The following CCDC60 variants were observed in gnomAD, a reference collection of about 807,000 sequenced individuals.
The protein encoded by CCDC60 is coiled-coil domain-containing protein 60.
In CCDC60, 54 loss-of-function variants were observed where a neutral mutation model predicts 63.5. The observed-to-expected ratio is 0.85, with a 90% confidence interval of 0.68 to 1.07. The LOEUF (loss-of-function observed/expected upper bound fraction) is 1.07, where lower values mean the gene tolerates loss of function less well. Among genes scored for constraint, CCDC60 ranks in the 50% least tolerant of loss-of-function variants. The pLI is 0.00. For missense variants in CCDC60, 651 were observed against 684.3 expected, an observed-to-expected ratio of 0.95 and a Z score of 0.54; for synonymous variants, 206 against 238.8, an observed-to-expected ratio of 0.86 and a Z score of 1.27.
intron 2 of CCDC60, among the ~76,000 whole-genome samples, chr12:119,467,454 C>G (rs138725397): frequency 3.3e-5 from 5 of 152,152 alleles, no homozygotes; most frequent in Admixed American, 3.3e-4. Context: ...TTTGTGAATG[C>G]GATTAGTGCC....
intron 1 of CCDC60, among the ~76,000 whole-genome samples, chr12:119,403,157 A>G (rs951281978): frequency 2.0e-5 from 3 of 152,202 alleles, no homozygotes; most frequent in African/African-American, 7.2e-5. Flanking sequence ...CAGCAGAAAG[A>G]GATCTTCTCT....
chr12:119,401,196 C>T (rs771897698), intron 1 of CCDC60, among the ~76,000 whole-genome samples: 1 of 152,200 alleles, frequency 6.6e-6, no homozygotes, highest in Non-Finnish European at 1.5e-5. Context: ...CGTGTGATGT[C>T]AAGTGTCCTT....
chr12:119,425,153 G>T (rs965580477), intron 1 of CCDC60, among the ~76,000 whole-genome samples: 14 of 152,142 alleles, frequency 9.2e-5, no homozygotes, highest in African/African-American at 3.4e-4. Context: ...CAAATTATCT[G>T]GCAGGAAAAT....
chr12:119,457,484 G>A (rs1463915442), intron 2 of CCDC60, among the ~76,000 whole-genome samples: 1 of 152,240 alleles, frequency 6.6e-6, no homozygotes, highest in Non-Finnish European at 1.5e-5. Flanking sequence ...GCAAGGAGAT[G>A]TTTGGATGTG....
chr12:119,455,995 GAGAAAGAGAAAGAA>G (rs1179977052), intron 2 of CCDC60, among the ~76,000 whole-genome samples: 1 of 79,502 alleles, frequency 1.3e-5, no homozygotes, highest in African/African-American at 5.9e-5. Context: ...GAAAGAGAGA[GAGAAAGAGAAAGAA>G]AGAAAGAAAG....
At chr12:119,531,505 G>T (rs952211210) in intron 13 of CCDC60, among the ~76,000 whole-genome samples, 2 of 152,144 alleles carry the variant, frequency 1.3e-5, no homozygotes, top group African/African-American at 2.4e-5. Context: ...TAAGTTAGAA[G>T]GGATCTACCT....
At chr12:119,343,604 T>G (rs1955554569) in intron 1 of CCDC60, among the ~76,000 whole-genome samples, 1 of 151,464 alleles carries the variant, frequency 6.6e-6, no homozygotes, top group African/African-American at 2.4e-5. Flanking sequence ...GGAAAGAACA[T>G]TTATAAATAA....
At chr12:119,463,821 G>C (rs1175947845) in intron 2 of CCDC60, among the ~76,000 whole-genome samples, 1 of 152,216 alleles carries the variant, frequency 6.6e-6, no homozygotes, top group African/African-American at 2.4e-5. Context: ...TATTAGAAAT[G>C]AGCTTCTTAA....
chr12:119,404,337 C>CGGA (rs1299353037), intron 1 of CCDC60, among the ~76,000 whole-genome samples: 2 of 152,166 alleles, frequency 1.3e-5, no homozygotes, highest in African/African-American at 4.8e-5. Context: ...CTGTCCTCCA[C>CGGA]CCTTGCTGGG....
At chr12:119,344,321 C>T (rs561433185) in intron 1 of CCDC60, among the ~76,000 whole-genome samples, 1 of 152,246 alleles carries the variant, frequency 6.6e-6, no homozygotes, top group South Asian at 2.1e-4. Context: ...TACCCTTCCC[C>T]AGTTGAATGC....
Position 119,472,025 on chromosome 12 carries a change from G to A in CCDC60, c.202G>A (p.Gly68Arg), listed in dbSNP as rs1424751402. Reference sequence around the variant, plus strand: ...GATCCAGTCTGTGAAGATAGGCCGTGGATATTTTGCTATTCTGAGGGAAGA... The same window carrying A: ...GATCCAGTCTGTGAAGATAGGCCGTAGATATTTTGCTATTCTGAGGGAAGA... ...FLIQSVKIGR[G>R]YFAILREETA... The change falls in exon 3 of 14, where the codon GGA becomes AGA. Residue 68 changes from glycine (G) to arginine (R), a missense_variant. Coordinates refer to ENST00000327554, the MANE Select transcript of CCDC60 (RefSeq NM_178499.5). The A allele has an allele frequency of 7.4e-6, 12 of 1,613,692 alleles. No homozygotes were observed. In the East Asian group the frequency reaches 1.8e-4, roughly 24 times the overall value.
intron 1 of CCDC60, among the ~76,000 whole-genome samples, chr12:119,395,956 T>C (rs988504823): frequency 1.3e-5 from 2 of 152,000 alleles, no homozygotes; most frequent in Admixed American, 6.6e-5. Flanking sequence ...CTTTTTTTTT[T>C]AGATGGAGTC....
intron 5 of CCDC60, among the ~76,000 whole-genome samples, chr12:119,490,864 A>C (rs561414435): frequency 6.6e-6 from 1 of 152,154 alleles, no homozygotes; most frequent in Admixed American, 6.5e-5. Flanking sequence ...CAGGCTATTT[A>C]TTTTTCTCTA....
At chr12:119,523,671 C>T in intron 10 of CCDC60, 22 bp from the exon 11 acceptor site, 1 of 1,613,198 alleles carries the variant, frequency 6.2e-7, no homozygotes, top group Non-Finnish European at 8.5e-7. Flanking sequence ...ATTCCCCAAG[C>T]CCTTCTTATC....
At chr12:119,368,339 G>A (rs1955864529) in intron 1 of CCDC60, among the ~76,000 whole-genome samples, 1 of 152,056 alleles carries the variant, frequency 6.6e-6, no homozygotes, top group African/African-American at 2.4e-5. Flanking sequence ...TGAGCTACTG[G>A]CCCAAACCTC....
chr12:119,410,499 T>A lies in CCDC60; in HGVS notation c.91-18184T>A, dbSNP rs1956576513. On this transcript the variant is annotated intron_variant, in intron 1 of 13. Coordinates refer to ENST00000327554, the MANE Select transcript of CCDC60 (RefSeq NM_178499.5). This position sits in a 1 kb window ranked among gnomAD's most constrained non-coding sequence, Gnocchi z 4.0. The stretch of plus-strand genomic sequence containing the variant: ...TGCCGAAATGGCTTCTCAACAGCAT[T>A]ACCAGCTTCAGGAATGTTCTCTCCT... Among the ~76,000 whole-genome samples the A allele has an allele frequency of 1.3e-5, 2 of 151,968 alleles. No individual in the cohort carries two copies. The highest frequency in any genetic ancestry group is 1.3e-4 in the Admixed American group (2 of 15,246).
At chr12:119,353,580 C>T (rs1229514012) in intron 1 of CCDC60, among the ~76,000 whole-genome samples, 1 of 120,772 alleles carries the variant, frequency 8.3e-6, no homozygotes, top group Non-Finnish European at 1.8e-5. Flanking sequence ...CCCCTCTCTC[C>T]TTCTTCTTCT....
intron 2 of CCDC60, among the ~76,000 whole-genome samples, chr12:119,448,104 G>T (rs1460277917): frequency 6.6e-6 from 1 of 151,764 alleles, no homozygotes. Flanking sequence ...TGTACAGCAT[G>T]ATGCCTATAG....
intron 1 of CCDC60, among the ~76,000 whole-genome samples, chr12:119,336,986 G>A (rs916290149): frequency 1.3e-5 from 2 of 152,188 alleles, no homozygotes; most frequent in Non-Finnish European, 2.9e-5. Flanking sequence ...GCATCCACAA[G>A]GCACAGTTGT....
Sources: allele counts gnomAD v4.1 joint callset (sites outside exome capture counted in the v4.1 genomes callset), GRCh38; gene constraint gnomAD v4.1.1; non-coding constraint Gnocchi (gnomAD v3.1); transcripts MANE v1.5; gene names NCBI Gene and HGNC (gene_info 2026-07-23, HGNC 2026-07-21).